SUSD4: variants seen among roughly 807,000 people sequenced by gnomAD.
The protein encoded by SUSD4 is sushi domain-containing protein 4.
A neutral mutation model predicts 50.5 loss-of-function variants in SUSD4; 41 were observed. The observed-to-expected ratio is 0.81, with a 90% CI of 0.63 to 1.05. The LOEUF (loss-of-function observed/expected upper bound fraction) is 1.05, where lower values mean the gene tolerates loss of function less well. Ranked by LOEUF, SUSD4 falls within the 50% of genes least tolerant of loss-of-function variation. SUSD4 has a pLI of 0.00. For missense variants in SUSD4, 580 were observed against 634.7 expected, an observed-to-expected ratio of 0.91 and a Z score of 0.93; for synonymous variants, 257 against 257.3, an observed-to-expected ratio of 1.00 and a Z score of 0.01.
intron 5 of SUSD4, among the ~76,000 whole-genome samples, chr1:223,257,270 G>A (rs1661761589): frequency 6.6e-6 from 1 of 152,150 alleles, no homozygotes; most frequent in Admixed American, 6.5e-5. Flanking sequence ...TTGGGAGGCC[G>A]AGGTGGGAGG....
intron 2 of SUSD4, among the ~76,000 whole-genome samples, chr1:223,348,649 T>A (rs1668177178): frequency 6.6e-6 from 1 of 152,110 alleles, no homozygotes; most frequent in Admixed American, 6.5e-5. Flanking sequence ...ACTGCCCACT[T>A]TTTCTCTTTA....
intron 5 of SUSD4, among the ~76,000 whole-genome samples, chr1:223,230,920 T>G (rs1169889868): frequency 1.3e-5 from 2 of 152,134 alleles, no homozygotes; most frequent in African/African-American, 4.8e-5. Context: ...AGTTCAGAGC[T>G]GACAAACTGT....
Position 223,222,232 on chromosome 1 carries a change from G to C in SUSD4, c.1445-12C>G. On this transcript the variant is annotated splice_polypyrimidine_tract_variant and intron_variant, in intron 8 of 8. Coordinates refer to ENST00000366878, the MANE Select transcript of SUSD4 (RefSeq NM_017982.4). Reference sequence around the variant, plus strand: ...CATTAGAGGAATCTCTGTAAAAGAAGAGACGGTTATTAGCTTAACATAACC... The same window carrying C: ...CATTAGAGGAATCTCTGTAAAAGAACAGACGGTTATTAGCTTAACATAACC... 1.9e-6 allele frequency: 3 copies of C among 1,613,406 alleles called. No individual in the cohort carries two copies. Among genetic ancestry groups the C allele is most frequent in the Non-Finnish European group, 2.5e-6 (3 of 1,179,726 alleles).
intron 2 of SUSD4, among the ~76,000 whole-genome samples, chr1:223,297,643 G>A (rs904685743): frequency 1.3e-5 from 2 of 152,172 alleles, no homozygotes; most frequent in Non-Finnish European, 2.9e-5. Flanking sequence ...TCCCTCCCCT[G>A]CAGAGTCTGA....
intron 2 of SUSD4, among the ~76,000 whole-genome samples, chr1:223,315,450 A>C (rs1666126029): frequency 6.6e-6 from 1 of 152,176 alleles, no homozygotes; most frequent in Admixed American, 6.5e-5. Context: ...TCTGACTACC[A>C]ATGGCTCCAA....
At chr1:223,358,140 T>G (rs1169544945) in intron 2 of SUSD4, among the ~76,000 whole-genome samples, 1 of 152,310 alleles carries the variant, frequency 6.6e-6, no homozygotes, top group South Asian at 2.1e-4. Flanking sequence ...CTTTTTGCAT[T>G]TAAACTTTTG....
chr1:223,269,689 T>G (rs954334863), intron 3 of SUSD4, among the ~76,000 whole-genome samples: 2 of 152,218 alleles, frequency 1.3e-5, no homozygotes, highest in African/African-American at 4.8e-5. Context: ...CCAAATTTGT[T>G]GATTCTTAAC....
intron 5 of SUSD4, among the ~76,000 whole-genome samples, chr1:223,237,276 A>G (rs1043990147): frequency 6.6e-6 from 1 of 152,036 alleles, no homozygotes; most frequent in Non-Finnish European, 1.5e-5. Flanking sequence ...TCTTACATAG[A>G]TGATCATGTC....
chr1:223,332,740 C>CA lies in SUSD4; in HGVS notation c.148+30537dup. Among the ~76,000 whole-genome samples the CA allele has an allele frequency of 6.6e-6, 1 of 152,226 alleles. No individual in the cohort carries two copies. The highest frequency in any genetic ancestry group is 1.9e-4 in the East Asian group (1 of 5,174). The stretch of plus-strand genomic sequence containing the variant: ...GGCGTGTGTCACAGGGAAACGGAAC[C>CA]AGGGGTAAAACTTCCTGCTGAGGCT... On this transcript the variant is annotated intron_variant, in intron 2 of 8. Transcript: ENST00000366878. The surrounding 1 kb of genome is among the most constrained non-coding windows in gnomAD (Gnocchi z 4.0).
intron 3 of SUSD4, among the ~76,000 whole-genome samples, chr1:223,291,822 A>G (rs927481658): frequency 1.3e-5 from 2 of 152,244 alleles, no homozygotes; most frequent in African/African-American, 4.8e-5. Flanking sequence ...ATGTATCTAC[A>G]TAAAGTAAAA....
At chr1:223,258,915 G>A (rs955057035) in intron 5 of SUSD4, among the ~76,000 whole-genome samples, 23 of 152,132 alleles carry the variant, frequency 1.5e-4, no homozygotes, top group African/African-American at 5.6e-4. Flanking sequence ...GACCCTCCCA[G>A]TTCTTTCGAA....
At chr1:223,268,046 C>A (rs201658883) in intron 4 of SUSD4, among the ~76,000 whole-genome samples, 1 of 30,426 alleles carries the variant, frequency 3.3e-5, no homozygotes, top group Non-Finnish European at 8.7e-5. Flanking sequence ...TATATATACA[C>A]ACACACTGTT....
At chr1:223,363,243 T>A (rs1254170736) in intron 2 of SUSD4, 35 bp downstream of exon 2, 1 of 1,522,314 alleles carries the variant, frequency 6.6e-7, no homozygotes, top group African/African-American at 1.4e-5. Flanking sequence ...CTCTGGGCCA[T>A]CCCCAGGCCC....
chr1:223,239,752 A>C (rs1160557819), intron 5 of SUSD4, among the ~76,000 whole-genome samples: 1 of 151,882 alleles, frequency 6.6e-6, no homozygotes, highest in Non-Finnish European at 1.5e-5. Flanking sequence ...ACCTAAGTAT[A>C]TGTGATCAAG....
At chr1:223,322,198 C>T (rs1666613247) in intron 2 of SUSD4, among the ~76,000 whole-genome samples, 2 of 152,170 alleles carry the variant, frequency 1.3e-5, no homozygotes, top group African/African-American at 4.8e-5. Context: ...TCTGTGACTC[C>T]TACAGGTGAC....
At chr1:223,254,726 T>C (rs1443195825) in intron 5 of SUSD4, among the ~76,000 whole-genome samples, 4 of 152,218 alleles carry the variant, frequency 2.6e-5, no homozygotes, top group Non-Finnish European at 4.4e-5. Context: ...CTTGATGCCA[T>C]GGCACAATCT....
At chr1:223,299,602 A>C (rs1304258733) in intron 2 of SUSD4, among the ~76,000 whole-genome samples, 1 of 152,206 alleles carries the variant, frequency 6.6e-6, no homozygotes, top group Non-Finnish European at 1.5e-5. Context: ...CAGGGTACTC[A>C]GACATCAATC....
chr1:223,223,961 C>T (rs920900708), intron 7 of SUSD4, among the ~76,000 whole-genome samples: 1 of 152,228 alleles, frequency 6.6e-6, no homozygotes, highest in Non-Finnish European at 1.5e-5. Context: ...GCTCATGGAG[C>T]AAGGGACAAC....
intron 4 of SUSD4, among the ~76,000 whole-genome samples, chr1:223,266,083 G>A (rs1203499748): frequency 6.6e-6 from 1 of 152,166 alleles, no homozygotes; most frequent in Non-Finnish European, 1.5e-5. Flanking sequence ...CAGAATTTGA[G>A]GCACTCACTG....
Sources: allele counts gnomAD v4.1 joint callset (sites outside exome capture counted in the v4.1 genomes callset), GRCh38; gene constraint gnomAD v4.1.1; non-coding constraint Gnocchi (gnomAD v3.1); transcripts MANE v1.5; gene names NCBI Gene and HGNC (gene_info 2026-07-23, HGNC 2026-07-21).